PPP1R36: variants seen among roughly 807,000 people sequenced by gnomAD.
PPP1R36 encodes protein phosphatase 1 regulatory subunit 36, also known as chromosome 14 open reading frame 50.
PPP1R36 carries 47 observed loss-of-function variants against 53.4 expected under a neutral mutation model. The ratio of observed to expected loss-of-function variants is 0.88; its 90% confidence interval spans 0.70 to 1.12. The LOEUF (loss-of-function observed/expected upper bound fraction) is 1.12. Among genes scored for constraint, PPP1R36 ranks in the 50% most tolerant of loss-of-function variants. The pLI, the probability that PPP1R36 is intolerant of heterozygous loss-of-function variation, is 0.00. For missense variants in PPP1R36, 456 were observed against 513.9 expected, an observed-to-expected ratio of 0.89 and a Z score of 1.09; for synonymous variants, 153 against 170.5, an observed-to-expected ratio of 0.90 and a Z score of 0.80.
chr14:64,569,368 C>A (rs992230544), intron 7 of PPP1R36, among the ~76,000 whole-genome samples: 4 of 152,106 alleles, frequency 2.6e-5, no homozygotes, highest in Non-Finnish European at 5.9e-5. Context: ...AAATGCAAAA[C>A]CCTGTATACA....
intron 9 of PPP1R36, 126 bp from the exon 10 acceptor site, chr14:64,587,068 T>C (rs2080439103): frequency 1.2e-6 from 1 of 857,878 alleles, no homozygotes; most frequent in Non-Finnish European, 1.8e-6. Flanking sequence ...TAATTTTTCA[T>C]TGTTTCAGGA....
At position 64,573,869 on chromosome 14, in the gene PPP1R36, T is replaced by A. The variant is rs2080321431; in HGVS notation, c.534-586T>A. Among the ~76,000 whole-genome samples the A allele has an allele frequency of 3.3e-5, 4 of 121,414 alleles. No homozygotes were observed. In the Admixed American group the frequency reaches 3.5e-4, roughly 11 times the overall value. The allele number at this position is 121,414 out of a possible 152,430, so 79.7% of individuals were successfully genotyped here. ...TGGAGGTCTCAGTGAGCCGAGTTCA[T>A]GCCACTTGCACTCCAGCTTGGGCGA... On this transcript the variant is annotated intron_variant, in intron 7 of 11. Coordinates refer to ENST00000298705, the MANE Select transcript of PPP1R36 (RefSeq NM_172365.3).
At chr14:64,567,292 T>C (rs1260366685) in intron 6 of PPP1R36, among the ~76,000 whole-genome samples, 1 of 152,194 alleles carries the variant, frequency 6.6e-6, no homozygotes, top group Non-Finnish European at 1.5e-5. Flanking sequence ...ACATTGTAAA[T>C]CAGTGCAGCC....
At chr14:64,570,827 A>T (rs2080297063) in intron 7 of PPP1R36, among the ~76,000 whole-genome samples, 1 of 152,200 alleles carries the variant, frequency 6.6e-6, no homozygotes, top group South Asian at 2.1e-4. Context: ...GGTGATTAAA[A>T]GCCCTACTTC....
intron 3 of PPP1R36, among the ~76,000 whole-genome samples, chr14:64,553,761 A>T (rs1485532148): frequency 2.6e-5 from 4 of 151,658 alleles, no homozygotes; most frequent in Non-Finnish European, 5.9e-5. Flanking sequence ...TATACATATT[A>T]AAAAAATTCA....
intron 3 of PPP1R36, among the ~76,000 whole-genome samples, chr14:64,560,435 T>A (rs1480725701): frequency 2.5e-5 from 3 of 118,024 alleles, no homozygotes; most frequent in Admixed American, 2.0e-4. Context: ...TGAGACCCTA[T>A]CTCAAGAAAA....
In PPP1R36 at chr14:64,565,347, T is replaced by A; in HGVS notation, c.270-10T>A. On this transcript the variant is annotated splice_polypyrimidine_tract_variant and intron_variant, in intron 4 of 11. Coordinates refer to ENST00000298705, the MANE Select transcript of PPP1R36 (RefSeq NM_172365.3). The stretch of plus-strand genomic sequence containing the variant: ...AAAACACTACTAGAAACTGTTATAT[T>A]CCAAAACAGGTTGACAGATAAAAGA... The A allele has an allele frequency of 6.3e-7, 1 of 1,598,708 alleles. No individual in the cohort carries two copies. Among genetic ancestry groups the A allele is most frequent in the Non-Finnish European group, 8.6e-7 (1 of 1,168,256 alleles).
At position 64,552,880 on chromosome 14, in the gene PPP1R36, G is replaced by A; in HGVS notation, c.182+19G>A. The stretch of plus-strand genomic sequence containing the variant: ...ACCCTCAGTGAGTGTGAGACAGACA[G>A]TGAGATAGCTTTGGGATTAGACAGA... On this transcript the variant is annotated intron_variant, in intron 3 of 11. Coordinates refer to ENST00000298705, the MANE Select transcript of PPP1R36 (RefSeq NM_172365.3). The A allele has an allele frequency of 1.2e-6, 2 of 1,603,804 alleles. No homozygotes were observed. The highest frequency in any genetic ancestry group is 1.7e-6 in the Non-Finnish European group (2 of 1,170,822).
Position 64,588,098 on chromosome 14 carries a change from C to G in PPP1R36, c.891-6C>G, listed in dbSNP as rs55791907. 1.3e-6 allele frequency: 2 copies of G among 1,591,206 alleles called. No homozygotes were observed. The highest frequency in any genetic ancestry group is 1.7e-6 in the Non-Finnish European group (2 of 1,166,492). On this transcript the variant is annotated splice_polypyrimidine_tract_variant and splice_region_variant and intron_variant, in intron 10 of 11. Transcript: ENST00000298705. ...ATGACCTAAATGTCACCTTCCTCCC[C>G]GACAGGAGAATGATGGCAAAACGCC... is the stretch of plus-strand genomic sequence containing the variant.
In PPP1R36 at chr14:64,565,398, C is replaced by G. The variant is rs756890054; in HGVS notation, c.311C>G (p.Ala104Gly). Residue 104 changes from alanine (A) to glycine (G), a missense_variant, in exon 5 of 12, where the codon GCT (alanine) becomes GGT (glycine). Physicochemically the swap from Ala to Gly is moderately conservative, Grantham distance 60. Transcript: ENST00000298705. ...CTTGCTGCAAAAGATGATAAGTCAGCTAAAGCTGTAGAGAAACGAGGTCAA... is the reference window on the plus strand; with the variant it reads ...CTTGCTGCAAAAGATGATAAGTCAGGTAAAGCTGTAGAGAAACGAGGTCAA... Reference protein sequence around the residue: ...KRLAAKDDKSAKAVEKRGQQG... With the variant: ...KRLAAKDDKSGKAVEKRGQQG... 6.2e-7 allele frequency: 1 copy of G among 1,613,576 alleles called. No individual in the cohort carries two copies. Among genetic ancestry groups the G allele is most frequent in the Middle Eastern group, 1.6e-4 (1 of 6,062 alleles).
chr14:64,579,838 C>T (rs530725518), intron 8 of PPP1R36, among the ~76,000 whole-genome samples: 5 of 152,096 alleles, frequency 3.3e-5, no homozygotes, highest in East Asian at 1.9e-4. Flanking sequence ...GGCGTGGTGG[C>T]GGGCGCCTGT....
intron 3 of PPP1R36, among the ~76,000 whole-genome samples, chr14:64,560,439 A>G (rs1050883232): frequency 1.7e-5 from 2 of 118,790 alleles, no homozygotes; most frequent in African/African-American, 5.7e-5. Context: ...ACCCTATCTC[A>G]AGAAAAAAAA....
chr14:64,582,591 T>C (rs1380917853), intron 8 of PPP1R36, among the ~76,000 whole-genome samples: 1 of 152,222 alleles, frequency 6.6e-6, no homozygotes, highest in Non-Finnish European at 1.5e-5. Flanking sequence ...TGAAACATAC[T>C]ATAAGTGAAA....
rs767558477 is a variant in PPP1R36, at chr14:64,574,559, T to C, written c.638T>C (p.Val213Ala). The C allele has an allele frequency of 1.2e-6, 2 of 1,613,946 alleles. No individual in the cohort carries two copies. Among genetic ancestry groups the C allele is most frequent in the South Asian group, 1.1e-5 (1 of 91,022 alleles). Residue 213 changes from valine (V) to alanine (A), a missense_variant, in exon 8 of 12, where the codon GTG (valine) becomes GCG (alanine). Transcript: ENST00000298705. Reference protein sequence around the residue: ...KYCILVLGLAVPDKHHMCCGK... With the variant: ...KYCILVLGLAAPDKHHMCCGK... The stretch of plus-strand genomic sequence containing the variant: ...TGTATCCTTGTGCTGGGCTTGGCCG[T>C]GCCGGATAAGCATCACATGTGCTGT...
At chr14:64,554,304 A>C (rs1242664736) in intron 3 of PPP1R36, among the ~76,000 whole-genome samples, 2 of 151,766 alleles carry the variant, frequency 1.3e-5, no homozygotes, top group East Asian at 3.9e-4. Context: ...GGCATGTGCC[A>C]CCACACCCAG....
At position 64,587,259 on chromosome 14, in the gene PPP1R36, TGAA is replaced by T. The variant is rs779668649; in HGVS notation, c.785_787del (p.Glu262del). 1.9e-5 allele frequency: 30 copies of T among 1,613,540 alleles called. No individual in the cohort carries two copies. Among genetic ancestry groups the T allele is most frequent in the Admixed American group, 5.0e-5 (3 of 59,968 alleles). ...TCCGACGTCAACACTTGACAGAGAT[TGAA>T]GAAGAAGTAGGGAGACTCTTTCGTA... On this transcript the variant is annotated inframe_deletion, in exon 10 of 12. Coordinates refer to ENST00000298705, the MANE Select transcript of PPP1R36 (RefSeq NM_172365.3).
At chr14:64,572,893 C>T (rs1266415330) in intron 7 of PPP1R36, among the ~76,000 whole-genome samples, 3 of 152,092 alleles carry the variant, frequency 2.0e-5, no homozygotes, top group African/African-American at 7.2e-5. Context: ...GAAACAGGCA[C>T]AGGGGTGTGG....
chr14:64,554,240 C>G (rs144642228), intron 3 of PPP1R36, among the ~76,000 whole-genome samples: 6 of 151,116 alleles, frequency 4.0e-5, no homozygotes, highest in Admixed American at 2.0e-4. Context: ...CAACCTCCCC[C>G]TCCCGGGTTC....
intron 8 of PPP1R36, among the ~76,000 whole-genome samples, chr14:64,582,422 A>C (rs967463776): frequency 1.3e-5 from 2 of 152,202 alleles, no homozygotes; most frequent in African/African-American, 4.8e-5. Context: ...GCATCATAAC[A>C]GGCCACTAAA....
Sources: allele counts gnomAD v4.1 joint callset (sites outside exome capture counted in the v4.1 genomes callset), GRCh38; gene constraint gnomAD v4.1.1; transcripts MANE v1.5; gene names NCBI Gene and HGNC (gene_info 2026-07-23, HGNC 2026-07-21).